SPATS2L: variants seen among roughly 807,000 people sequenced by gnomAD.
SPATS2L encodes spermatogenesis associated serine rich 2 like, also known as SPATS2-like protein.
SPATS2L carries 30 observed loss-of-function variants against 59.6 expected under a neutral mutation model. The ratio of observed to expected loss-of-function variants is 0.50; its 90% CI spans 0.38 to 0.68. The LOEUF (loss-of-function observed/expected upper bound fraction) is 0.68. Ranked by LOEUF, SPATS2L falls within the 30% of genes least tolerant of loss-of-function variation. The probability of loss-of-function intolerance (pLI) is 0.00; values close to 1 mark genes in which losing one functional copy is unlikely to be tolerated. For missense variants in SPATS2L, 615 were observed against 700.0 expected, an observed-to-expected ratio of 0.88 and a Z score of 1.37; for synonymous variants, 252 against 263.5, an observed-to-expected ratio of 0.96 and a Z score of 0.42.
intron 1 of SPATS2L, among the ~76,000 whole-genome samples, chr2:200,321,293 T>C (rs2079552334): frequency 6.6e-6 from 1 of 152,238 alleles, no homozygotes; most frequent in Non-Finnish European, 1.5e-5. Flanking sequence ...GCTCTGGCTA[T>C]ACAACTTACG....
chr2:200,326,693 CT>C, intron 1 of SPATS2L, among the ~76,000 whole-genome samples: 1 of 152,158 alleles, frequency 6.6e-6, no homozygotes. Context: ...TATCTGCTAC[CT>C]GAAAACCTAT....
chr2:200,378,222 C>A (rs534332171), intron 2 of SPATS2L: 2 of 1,001,790 alleles, frequency 2.0e-6, no homozygotes, highest in Admixed American at 1.2e-4. Flanking sequence ...GCTCCACATT[C>A]GTCACTATTG....
intron 2 of SPATS2L, among the ~76,000 whole-genome samples, chr2:200,386,270 A>G (rs371715635): frequency 5.3e-5 from 8 of 152,198 alleles, no homozygotes; most frequent in Admixed American, 6.5e-5. Context: ...AATTATTTTT[A>G]TCTTATTTTC....
At chr2:200,449,513 A>G (rs893101282) in intron 8 of SPATS2L, among the ~76,000 whole-genome samples, 4 of 152,202 alleles carry the variant, frequency 2.6e-5, no homozygotes, top group Admixed American at 2.0e-4. Flanking sequence ...GAAATCGGAA[A>G]AGATTTCTGA....
At chr2:200,335,890 C>A (rs2105807556) in intron 2 of SPATS2L, among the ~76,000 whole-genome samples, 1 of 152,278 alleles carries the variant, frequency 6.6e-6, no homozygotes, top group South Asian at 2.1e-4. Context: ...TAGGTATTGC[C>A]TGGGGCATAG....
Position 200,469,936 on chromosome 2 carries a change from A to C in SPATS2L, c.980A>C (p.Tyr327Ser), listed in dbSNP as rs1198742355. 3 of 1,611,322 alleles carry C rather than the reference A, an allele frequency of 1.9e-6. No homozygotes were observed. The highest frequency in any genetic ancestry group is 1.3e-5 in the African/African-American group (1 of 74,876). ...EIKHFVSERK[Y>S]DEELGKAARF... Reference sequence around the variant, plus strand: ...CAGCACTTTGTCAGCGAGCGTAAATATGACGAGGAGCTCGGGAAAGCTGCC... The same window carrying C: ...CAGCACTTTGTCAGCGAGCGTAAATCTGACGAGGAGCTCGGGAAAGCTGCC... Residue 327 changes from tyrosine to serine, a missense_variant, in exon 11 of 13, where the codon TAT (tyrosine) becomes TCT (serine). By Grantham distance (144) the Tyr-to-Ser change is moderately radical. Around this residue, in one of 3 missense-constraint regions of SPATS2L, gnomAD observed 104 missense variants for 162.5 expected, o/e 0.64. Coordinates refer to ENST00000409140, the MANE Select transcript of SPATS2L (RefSeq NM_001100423.2).
intron 2 of SPATS2L, among the ~76,000 whole-genome samples, chr2:200,375,746 C>G (rs2105899796): frequency 6.6e-6 from 1 of 152,308 alleles, no homozygotes; most frequent in African/African-American, 2.4e-5. Context: ...CCCACTTCAG[C>G]TTCCCTAGTA....
rs1305203604 is a variant in SPATS2L, at chr2:200,480,444, A to C, written c.*2413A>C. On this transcript the variant is annotated 3_prime_UTR_variant, in exon 13 of 13. Coordinates refer to ENST00000409140, the MANE Select transcript of SPATS2L (RefSeq NM_001100423.2). ...ATCACCTAGGCTGGAGTGCATGATC[A>C]TGGCTCACTATAGCCTTGAACTCCT... is the stretch of plus-strand genomic sequence containing the variant. 2 of 147,690 alleles carry C rather than the reference A, an allele frequency of 1.4e-5. No individual in the cohort carries two copies. Among genetic ancestry groups the C allele is most frequent in the Non-Finnish European group, 1.5e-5 (1 of 67,716 alleles). The allele number at this position is 147,690 out of a possible 1,614,324, so 9.1% of individuals were successfully genotyped here.
At chr2:200,458,955 G>A (rs1430204909) in intron 8 of SPATS2L, among the ~76,000 whole-genome samples, 4 of 152,124 alleles carry the variant, frequency 2.6e-5, no homozygotes, top group African/African-American at 9.7e-5. Flanking sequence ...TTTTCCCCAG[G>A]CTCTTCACCC....
Position 200,412,428 on chromosome 2 carries a change from A to T in SPATS2L, c.148+9A>T. ...GCAAGCCTTTGTGGATGGTAGGTATACCTGTACCCTGCAGCTGAAGATGTT... is the reference window on the plus strand; with the variant it reads ...GCAAGCCTTTGTGGATGGTAGGTATTCCTGTACCCTGCAGCTGAAGATGTT... On this transcript the variant is annotated intron_variant, in intron 4 of 12. Transcript: ENST00000409140. The T allele has an allele frequency of 6.7e-7, 1 of 1,484,508 alleles. No individual in the cohort carries two copies. The allele number at this position is 1,484,508 out of a possible 1,614,324, so 92.0% of individuals were successfully genotyped here. A position where few individuals can be genotyped will look rare whatever the true frequency, so the allele number is the denominator to read the frequency against.
intron 2 of SPATS2L, among the ~76,000 whole-genome samples, chr2:200,387,289 A>G (rs2105922121): frequency 6.6e-6 from 1 of 152,362 alleles, no homozygotes; most frequent in African/African-American, 2.4e-5. Flanking sequence ...GTCCAGGGAT[A>G]TAGAACTTAC....
At chr2:200,400,693 G>C (rs1167387621) in intron 3 of SPATS2L, among the ~76,000 whole-genome samples, 1 of 152,132 alleles carries the variant, frequency 6.6e-6, no homozygotes, top group African/African-American at 2.4e-5. Context: ...TTAGATAGGA[G>C]AGAAGTCCAT....
Position 200,412,439 on chromosome 2 carries a change from G to T in SPATS2L, c.148+20G>T. 1 of 1,398,160 alleles carries T rather than the reference G, an allele frequency of 7.2e-7. No homozygotes were observed. Among genetic ancestry groups the T allele is most frequent in the Non-Finnish European group, 9.9e-7 (1 of 1,011,380 alleles). The allele number at this position is 1,398,160 out of a possible 1,614,324, so 86.6% of individuals were successfully genotyped here. ...TGGATGGTAGGTATACCTGTACCCT[G>T]CAGCTGAAGATGTTAGACTTAAATA... On this transcript the variant is annotated intron_variant, in intron 4 of 12. Coordinates refer to ENST00000409140, the MANE Select transcript of SPATS2L (RefSeq NM_001100423.2).
At position 200,481,834 on chromosome 2, in the gene SPATS2L, C is replaced by T. The variant is rs2087784332; in HGVS notation, c.*3803C>T. On this transcript the variant is annotated 3_prime_UTR_variant, in exon 13 of 13. Transcript: ENST00000409140. ...TAGCTGGGACTACAGGCACCCGCCA[C>T]CACACCTGGCTAATTTTTTGTATTT... The T allele has an allele frequency of 6.6e-6, 1 of 152,308 alleles. No individual in the cohort carries two copies. The highest frequency in any genetic ancestry group is 1.5e-5 in the Non-Finnish European group (1 of 68,138). The allele number at this position is 152,308 out of a possible 1,614,324, so 9.4% of individuals were successfully genotyped here. A position where few individuals can be genotyped will look rare whatever the true frequency, so the allele number is the denominator to read the frequency against.
intron 2 of SPATS2L, among the ~76,000 whole-genome samples, chr2:200,388,580 T>C (rs1458639507): frequency 1.4e-5 from 2 of 146,484 alleles, no homozygotes; most frequent in African/African-American, 5.1e-5. Context: ...AGGTTTGTTT[T>C]GAGACAAGCT....
At chr2:200,419,568 T>A (rs768166656) in intron 6 of SPATS2L, 72 bp downstream of exon 6, 222 of 1,531,318 alleles carry the variant, frequency 1.4e-4, no homozygotes, top group Non-Finnish European at 1.9e-4. Context: ...TCATTGGGGC[T>A]GCTGTTGATG....
chr2:200,396,033 A>AATATATATAT (rs1553520465), intron 3 of SPATS2L, among the ~76,000 whole-genome samples: 4 of 21,134 alleles, frequency 1.9e-4, no homozygotes, highest in Non-Finnish European at 3.6e-4. Context: ...AAAAAAAAAA[A>AATATATATAT]ATATATATAT....
At chr2:200,353,823 C>T (rs542634149) in intron 2 of SPATS2L, among the ~76,000 whole-genome samples, 197 of 152,326 alleles carry the variant, frequency 1.3e-3, no homozygotes, top group African/African-American at 4.6e-3. Context: ...TAGGAAACTA[C>T]AGCTTTTACA....
At chr2:200,344,300 T>C (rs1287100634) in intron 2 of SPATS2L, among the ~76,000 whole-genome samples, 1 of 152,164 alleles carries the variant, frequency 6.6e-6, no homozygotes, top group Non-Finnish European at 1.5e-5. Context: ...AGCTCCCACT[T>C]ATAAGTGAGA....
Sources: gnomAD v4.1 joint callset for allele counts (sites outside exome capture counted in the v4.1 genomes callset) on GRCh38, gnomAD v4.1.1 for gene constraint, gnomAD v4.1.1 regional missense constraint, MANE v1.5 for transcripts, NCBI Gene and HGNC (gene_info 2026-07-23, HGNC 2026-07-21) for gene names.